Variants in GPC5 observed in about 807,000 individuals in gnomAD.
GPC5 encodes glypican-5.
GPC5 carries 47 observed loss-of-function variants against 53.9 expected under a neutral mutation model. That is an observed-to-expected ratio of 0.87 (90% CI 0.69 to 1.11). The LOEUF is 1.11. GPC5 is among the 50% of genes most tolerant of loss of function. GPC5 has a pLI of 0.00. For synonymous variants in GPC5, 286 were observed against 263.3 expected (o/e 1.09, Z -0.84); for missense variants, 748 against 713.1 (o/e 1.05, Z -0.56).
intron 6 of GPC5, among the ~76,000 whole-genome samples, chr13:91,997,468 T>C (rs1247723561): frequency 2.0e-5 from 3 of 152,098 alleles, no homozygotes; most frequent in Non-Finnish European, 4.4e-5. Flanking sequence ...TTAAATGTGG[T>C]ACAGATATCT....
chr13:92,411,632 A>G (rs1206051579), intron 7 of GPC5, among the ~76,000 whole-genome samples: 1 of 152,200 alleles, frequency 6.6e-6, no homozygotes, highest in East Asian at 1.9e-4. Context: ...AAGAAAATCA[A>G]TTAATCTCAG....
At chr13:91,933,196 T>C (rs903090021) in intron 6 of GPC5, among the ~76,000 whole-genome samples, 4 of 152,064 alleles carry the variant, frequency 2.6e-5, no homozygotes, top group Non-Finnish European at 4.4e-5. Flanking sequence ...TTCTAGTCTG[T>C]TCTCCTGACA....
chr13:92,114,026 T>C (rs1164162050), intron 6 of GPC5, among the ~76,000 whole-genome samples: 4 of 152,216 alleles, frequency 2.6e-5, no homozygotes, highest in African/African-American at 9.7e-5. Context: ...AAACTTGTTT[T>C]TGTGGGGTTT....
intron 7 of GPC5, among the ~76,000 whole-genome samples, chr13:92,828,625 A>C (rs1229696324): frequency 5.9e-5 from 9 of 152,138 alleles, no homozygotes; most frequent in Non-Finnish European, 1.0e-4. Flanking sequence ...CTGGACCTCC[A>C]TTTGTCTTGT....
chr13:91,398,907 C>T lies in GPC5; in HGVS notation c.-140C>T. 9.5e-7 allele frequency: 1 copy of T among 1,057,742 alleles called. No homozygotes were observed. The highest frequency in any genetic ancestry group is 1.8e-5 in the South Asian group (1 of 56,844). 65.5% of individuals were successfully genotyped at this position (1,057,742 alleles called of 1,614,324 possible). A position where few individuals can be genotyped will look rare whatever the true frequency, so the allele number is the denominator to read the frequency against. On this transcript the variant is annotated 5_prime_UTR_variant, in exon 1 of 8. Transcript: ENST00000377067. Reference sequence around the variant, plus strand: ...ACTGCTCCCAGGTGAAGCCGGTGCCCGCGGGCGGTCCGTACACCCCGCAGC... The same window carrying T: ...ACTGCTCCCAGGTGAAGCCGGTGCCTGCGGGCGGTCCGTACACCCCGCAGC...
intron 6 of GPC5, among the ~76,000 whole-genome samples, chr13:92,086,815 T>C (rs1370020057): frequency 6.6e-6 from 1 of 152,084 alleles, no homozygotes; most frequent in Non-Finnish European, 1.5e-5. Flanking sequence ...CCTGCCAACA[T>C]GCCTGGCTAA....
chr13:92,512,675 A>C (rs1880617231), intron 7 of GPC5, among the ~76,000 whole-genome samples: 1 of 152,124 alleles, frequency 6.6e-6, no homozygotes, highest in Non-Finnish European at 1.5e-5. Context: ...TTTAGAAGAG[A>C]AGGGAAGGGT....
chr13:91,776,022 G>T (rs539117410), intron 5 of GPC5, among the ~76,000 whole-genome samples: 1 of 152,144 alleles, frequency 6.6e-6, no homozygotes, highest in Non-Finnish European at 1.5e-5. Flanking sequence ...CATTGCATCT[G>T]GTCAGTAGAA....
chr13:92,252,718 G>T (rs2042700823), intron 7 of GPC5, among the ~76,000 whole-genome samples: 1 of 152,028 alleles, frequency 6.6e-6, no homozygotes, highest in Non-Finnish European at 1.5e-5. Flanking sequence ...TTTTAAAAAT[G>T]GAAAGTAGGA....
intron 6 of GPC5, among the ~76,000 whole-genome samples, chr13:91,959,073 C>CACAA (rs1566364046): frequency 7.4e-6 from 1 of 135,062 alleles, no homozygotes; most frequent in African/African-American, 2.5e-5. Flanking sequence ...CACACACACA[C>CACAA]ACACACACAC....
At chr13:91,702,476 G>T (rs58784426) in intron 3 of GPC5, among the ~76,000 whole-genome samples, 2,280 of 152,050 alleles carry the variant, frequency 0.015, 59 homozygotes, top group African/African-American at 0.052. Flanking sequence ...ATTTATTTCT[G>T]GGATCTTAAT....
chr13:92,836,240 C>T (rs556529632), intron 7 of GPC5, among the ~76,000 whole-genome samples: 4 of 152,090 alleles, frequency 2.6e-5, no homozygotes, highest in Admixed American at 2.6e-4. Context: ...TATCACTAGA[C>T]TCTACATGTG....
At chr13:92,377,237 G>A (rs542252097) in intron 7 of GPC5, among the ~76,000 whole-genome samples, 82 of 152,220 alleles carry the variant, frequency 5.4e-4, no homozygotes, top group Non-Finnish European at 9.1e-4. Flanking sequence ...TTGCATGCCT[G>A]TGTTCCCTAC....
chr13:92,370,586 AT>A (rs1343758258), intron 7 of GPC5, among the ~76,000 whole-genome samples: 1 of 152,164 alleles, frequency 6.6e-6, no homozygotes, highest in African/African-American at 2.4e-5. Context: ...AATGGAAAAA[AT>A]ATATGAAAAA....
chr13:92,143,099 T>G (rs1425337462), intron 6 of GPC5, among the ~76,000 whole-genome samples: 2 of 152,120 alleles, frequency 1.3e-5, no homozygotes, highest in African/African-American at 4.8e-5. Flanking sequence ...TGAGCAATGG[T>G]CCAGGTGTAT....
chr13:92,729,166 C>A (rs1888730921), intron 7 of GPC5, among the ~76,000 whole-genome samples: 2 of 151,334 alleles, frequency 1.3e-5, no homozygotes, highest in African/African-American at 4.8e-5. Context: ...CCTTTGTTAT[C>A]TACCATGTCT....
chr13:91,984,125 C>T (rs1376572620), intron 6 of GPC5, among the ~76,000 whole-genome samples: 3 of 151,980 alleles, frequency 2.0e-5, no homozygotes, highest in Non-Finnish European at 4.4e-5. Context: ...TTTCGGTGGT[C>T]CTCATACCAC....
intron 7 of GPC5, among the ~76,000 whole-genome samples, chr13:92,426,288 G>A (rs1204591524): frequency 1.3e-5 from 2 of 152,010 alleles, no homozygotes; most frequent in Non-Finnish European, 2.9e-5. Flanking sequence ...TACCCCTGTT[G>A]AGTCTTGATT....
intron 7 of GPC5, among the ~76,000 whole-genome samples, chr13:92,251,411 C>T (rs1272129487): frequency 6.6e-6 from 1 of 152,020 alleles, no homozygotes; most frequent in Non-Finnish European, 1.5e-5. Flanking sequence ...GCTTACTCAC[C>T]AGCACATCAC....
Sources: allele counts gnomAD v4.1 joint callset (sites outside exome capture counted in the v4.1 genomes callset), GRCh38; gene constraint gnomAD v4.1.1; transcripts MANE v1.5; gene names NCBI Gene and HGNC (gene_info 2026-07-23, HGNC 2026-07-21).